The following PLXNA4 variants were observed in gnomAD, a reference collection of about 807,000 sequenced individuals.
PLXNA4 encodes the protein plexin-A4.
PLXNA4 carries 44 observed loss-of-function variants against 191.8 expected under a neutral mutation model. That is an observed-to-expected ratio of 0.23 (90% CI 0.18 to 0.29). The LOEUF is 0.29. Among genes scored for constraint, PLXNA4 ranks in the 10% least tolerant of loss-of-function variants. PLXNA4 has a pLI of 1.00. For synonymous variants in PLXNA4, 1,082 were observed against 1,009.5 expected (o/e 1.07, Z -1.36); for missense variants, 1,800 against 2,488.8 (o/e 0.72, Z 5.89).
chr7:132,257,527 C>T (rs770128547), intron 4 of PLXNA4, among the ~76,000 whole-genome samples: 2 of 152,176 alleles, frequency 1.3e-5, no homozygotes, highest in African/African-American at 2.4e-5. Context: ...TTCACTGGAT[C>T]CAGGGGCTGC....
intron 3 of PLXNA4, among the ~76,000 whole-genome samples, chr7:132,476,875 T>C (rs1797149476): frequency 6.6e-6 from 1 of 152,170 alleles, no homozygotes; most frequent in Admixed American, 6.5e-5. Flanking sequence ...AAACTAATTT[T>C]GGGGAGATAC....
intron 1 of PLXNA4, among the ~76,000 whole-genome samples, chr7:132,522,463 A>G (rs1362596313): frequency 6.6e-6 from 1 of 152,290 alleles, no homozygotes; most frequent in East Asian, 1.9e-4. Context: ...TTGATCCAAT[A>G]CTTTCCTAAT....
chr7:132,365,364 T>TGTGCGTGCGCGC (rs1554424583), intron 3 of PLXNA4, among the ~76,000 whole-genome samples: 1 of 147,320 alleles, frequency 6.8e-6, no homozygotes, highest in Admixed American at 6.7e-5. Flanking sequence ...TGTGTGTGCG[T>TGTGCGTGCGCGC]GCGCGCGCAT....
intron 3 of PLXNA4, among the ~76,000 whole-genome samples, chr7:132,482,755 C>T (rs1206414373): frequency 1.1e-4 from 17 of 148,456 alleles, no homozygotes; most frequent in Admixed American, 7.5e-4. Context: ...TGCAATGGTG[C>T]GATCTCAGCT....
intron 3 of PLXNA4, among the ~76,000 whole-genome samples, chr7:132,449,634 C>A (rs114101301): frequency 0.012 from 1,776 of 150,700 alleles, 39 homozygotes; most frequent in African/African-American, 0.041. Flanking sequence ...CACATGACTG[C>A]CACTGTCACA....
intron 3 of PLXNA4, among the ~76,000 whole-genome samples, chr7:132,423,243 T>C (rs1015375484): frequency 6.6e-6 from 1 of 152,246 alleles, no homozygotes; most frequent in Non-Finnish European, 1.5e-5. Flanking sequence ...TTTACATCAA[T>C]CAGATTTAGT....
chr7:132,384,481 G>A, intron 3 of PLXNA4: 1 of 985,808 alleles, frequency 1.0e-6, no homozygotes, highest in Non-Finnish European at 1.2e-6. Context: ...AGGAGACACT[G>A]CTCACGCTTT....
intron 21 of PLXNA4, among the ~76,000 whole-genome samples, chr7:132,172,673 C>A (rs565472096): frequency 6.6e-6 from 1 of 152,052 alleles, no homozygotes. Flanking sequence ...CCGGCTAATG[C>A]GGGCCAGTAA....
chr7:132,126,597 G>A lies in PLXNA4; in HGVS notation c.*3882C>T, dbSNP rs1212891706. 2 of 152,392 alleles carry A rather than the reference G, an allele frequency of 1.3e-5. No homozygotes were observed. The highest frequency in any genetic ancestry group is 6.5e-5 in the Admixed American group (1 of 15,288). The allele number at this position is 152,392 out of a possible 1,614,324, so 9.4% of individuals were successfully genotyped here. The stretch of plus-strand genomic sequence containing the variant: ...CTGGTGGGCGCAGGTAGCTGGGCCT[G>A]AGGGGACCAGGTCAGAGACTTTTCC... On this transcript the variant is annotated 3_prime_UTR_variant, in exon 32 of 32. Transcript: ENST00000321063.
At chr7:132,274,567 C>A (rs1011460199) in intron 4 of PLXNA4, among the ~76,000 whole-genome samples, 2 of 152,068 alleles carry the variant, frequency 1.3e-5, no homozygotes, top group Non-Finnish European at 2.9e-5. Context: ...TCCTTTGTAA[C>A]CTCATCATCT....
chr7:132,232,371 G>A (rs1205299250), intron 5 of PLXNA4, among the ~76,000 whole-genome samples: 2 of 152,116 alleles, frequency 1.3e-5, no homozygotes, highest in Non-Finnish European at 2.9e-5. Flanking sequence ...GTGTGACTTG[G>A]AGTTTTCTGA....
chr7:132,502,173 G>A (rs763264508), intron 2 of PLXNA4, among the ~76,000 whole-genome samples: 1 of 152,158 alleles, frequency 6.6e-6, no homozygotes, highest in Non-Finnish European at 1.5e-5. Flanking sequence ...GATCTCAGGC[G>A]CCAGACCAAC....
chr7:132,150,918 G>A (rs1046877974), intron 25 of PLXNA4, among the ~76,000 whole-genome samples: 1 of 152,186 alleles, frequency 6.6e-6, no homozygotes, highest in African/African-American at 2.4e-5. Flanking sequence ...GCTGAGTCAT[G>A]CCCGGAAATT....
At chr7:132,211,784 C>G (rs988042351) in intron 9 of PLXNA4, among the ~76,000 whole-genome samples, 3 of 152,186 alleles carry the variant, frequency 2.0e-5, no homozygotes, top group Non-Finnish European at 4.4e-5. Flanking sequence ...ACTCTGAGCT[C>G]TTTCTGGATG....
chr7:132,475,003 G>A (rs765087918), intron 3 of PLXNA4, among the ~76,000 whole-genome samples: 4 of 152,158 alleles, frequency 2.6e-5, no homozygotes, highest in Non-Finnish European at 5.9e-5. Context: ...GGTGACATAC[G>A]TGTGGATAAA....
chr7:132,507,124 T>C (rs1265278337), intron 2 of PLXNA4, among the ~76,000 whole-genome samples: 1 of 152,138 alleles, frequency 6.6e-6, no homozygotes, highest in Non-Finnish European at 1.5e-5. Flanking sequence ...GCTTGGTGAG[T>C]ACAAAGGGCA....
intron 9 of PLXNA4, among the ~76,000 whole-genome samples, chr7:132,223,270 G>A (rs1025127525): frequency 1.1e-4 from 17 of 152,286 alleles, no homozygotes; most frequent in Admixed American, 2.6e-4. Context: ...CCTGGTGTGT[G>A]GAGGATCCTT....
At chr7:132,606,224 G>A (rs1314642091) in intron 2 of PLXNA4, among the ~76,000 whole-genome samples, 1 of 152,208 alleles carries the variant, frequency 6.6e-6, no homozygotes, top group Non-Finnish European at 1.5e-5. Flanking sequence ...GAAGAGGTAA[G>A]GAAGGATTCT....
chr7:132,540,787 C>A (rs189475746), intron 1 of PLXNA4, among the ~76,000 whole-genome samples: 5 of 151,322 alleles, frequency 3.3e-5, no homozygotes, highest in Non-Finnish European at 7.4e-5. Flanking sequence ...CGGTGTTTCA[C>A]CTTGTTAGCC....
Sources: gnomAD v4.1 joint callset for allele counts (sites outside exome capture counted in the v4.1 genomes callset) on GRCh38, gnomAD v4.1.1 for gene constraint, MANE v1.5 for transcripts, NCBI Gene and HGNC (gene_info 2026-07-23, HGNC 2026-07-21) for gene names.